Variants in CAMK1G observed in about 807,000 individuals in gnomAD.
CAMK1G encodes calcium/calmodulin dependent protein kinase IG.
CAMK1G carries 27 observed loss-of-function variants against 54.8 expected under a neutral mutation model. The ratio of observed to expected loss-of-function variants is 0.49; its 90% CI spans 0.36 to 0.68. The LOEUF is 0.68. Among genes scored for constraint, CAMK1G ranks in the 30% least tolerant of loss-of-function variants. The pLI, the probability that CAMK1G is intolerant of heterozygous loss-of-function variation, is 0.00. For synonymous variants in CAMK1G, 238 were observed against 224.9 expected, an observed-to-expected ratio of 1.06 and a Z score of -0.52; for missense variants, 512 against 591.0, an observed-to-expected ratio of 0.87 and a Z score of 1.39.
In CAMK1G at chr1:209,612,921, G is replaced by A. The variant is rs746666849; in HGVS notation, c.*37+9G>A. Reference sequence around the variant, plus strand: ...GTCACTGCAATTTTCAGGTTAGGAGGGTCACAGTGTGAGGCTTGGGGAGAG... The same window carrying A: ...GTCACTGCAATTTTCAGGTTAGGAGAGTCACAGTGTGAGGCTTGGGGAGAG... On this transcript the variant is annotated intron_variant, in intron 12 of 12. Transcript: ENST00000361322. 3 of 1,335,704 alleles carry A rather than the reference G, an allele frequency of 2.2e-6. No homozygotes were observed. The highest frequency in any genetic ancestry group is 1.1e-6 in the Non-Finnish European group (1 of 930,870). 82.7% of individuals were successfully genotyped at this position (1,335,704 alleles called of 1,614,324 possible).
chr1:209,611,785 T>C lies in CAMK1G; in HGVS notation c.916-7T>C. 6.2e-7 allele frequency: 1 copy of C among 1,612,488 alleles called. No homozygotes were observed. Among genetic ancestry groups the C allele is most frequent in the Non-Finnish European group, 8.5e-7 (1 of 1,179,232 alleles). On this transcript the variant is annotated splice_region_variant and splice_polypyrimidine_tract_variant and intron_variant, in intron 10 of 12. Coordinates refer to ENST00000361322, the MANE Select transcript of CAMK1G (RefSeq NM_020439.3). Reference sequence around the variant, plus strand: ...GAAGGCCAGAGGCTGCTCTTGTGTCTCCTTAGCAAGCCTTCAACGCAGCAG... The same window carrying C: ...GAAGGCCAGAGGCTGCTCTTGTGTCCCCTTAGCAAGCCTTCAACGCAGCAG...
rs147375164 is a variant in CAMK1G at position 209,586,360 on chromosome 1, G to C, written c.-30+2588G>C. On this transcript the variant is annotated intron_variant, in intron 1 of 12. Transcript: ENST00000361322. Reference sequence around the variant, plus strand: ...CAGAAGTATTATTTCCTCTCTTGTTGCAACAGTTCCCTGTTTTCTTGGTTG... The same window carrying C: ...CAGAAGTATTATTTCCTCTCTTGTTCCAACAGTTCCCTGTTTTCTTGGTTG... Among the ~76,000 whole-genome samples the C allele has an allele frequency of 6.6e-5, 10 of 152,224 alleles. No individual in the cohort carries two copies. The East Asian group carries it at 1.9e-3, about 29-fold the overall frequency.
Position 209,608,966 on chromosome 1 carries a change from C to T in CAMK1G, c.636-14C>T, listed in dbSNP as rs1389941979. 1.2e-6 allele frequency: 2 copies of T among 1,613,818 alleles called. No homozygotes were observed. The highest frequency in any genetic ancestry group is 1.3e-5 in the African/African-American group (1 of 74,890). ...GTTTGTTCAGTAGTATGCCTCCTTC[C>T]TGTCCTGCTGCAGGCTCTGTGGATA... On this transcript the variant is annotated splice_polypyrimidine_tract_variant and intron_variant, in intron 7 of 12. Transcript: ENST00000361322.
chr1:209,594,323 C>T (rs1354470924), intron 1 of CAMK1G, among the ~76,000 whole-genome samples: 2 of 152,200 alleles, frequency 1.3e-5, no homozygotes, highest in Admixed American at 6.5e-5. Context: ...CAGTACCCAT[C>T]GGCACCTTGC....
chr1:209,602,705 G>A (rs1665559333), intron 3 of CAMK1G, among the ~76,000 whole-genome samples: 1 of 152,172 alleles, frequency 6.6e-6, no homozygotes. Context: ...GTACACATGA[G>A]ACATAAATGA....
chr1:209,602,753 A>G (rs1665560493), intron 3 of CAMK1G, among the ~76,000 whole-genome samples: 1 of 152,270 alleles, frequency 6.6e-6, no homozygotes, highest in South Asian at 2.1e-4. Flanking sequence ...TCTAAGGTAT[A>G]TCATTATGTA....
rs17316402 is a variant in CAMK1G at position 209,611,803 on chromosome 1, C to T, written c.927C>T (p.Asn309=). The T allele has an allele frequency of 0.023, 37,093 of 1,613,666 alleles. 477 individuals are homozygous for T. The highest frequency in any genetic ancestry group is 0.026 in the Non-Finnish European group (30,770 of 1,179,824). The stretch of plus-strand genomic sequence containing the variant: ...TTGTGTCTCCTTAGCAAGCCTTCAA[C>T]GCAGCAGCTGTGGTGCACCACATGA... ...FAKSKWRQAF[N]AAAVVHHMRK... Residue 309 remains asparagine, a synonymous_variant, in exon 11 of 13, where the codon AAC becomes AAT. Coordinates refer to ENST00000361322, the MANE Select transcript of CAMK1G (RefSeq NM_020439.3).
At chr1:209,602,717 C>A (rs1031335079) in intron 3 of CAMK1G, among the ~76,000 whole-genome samples, 3 of 152,184 alleles carry the variant, frequency 2.0e-5, no homozygotes, top group African/African-American at 7.2e-5. Flanking sequence ...CATAAATGAA[C>A]TTCATGTTTA....
At chr1:209,607,320 G>A (rs929139468) in intron 6 of CAMK1G, among the ~76,000 whole-genome samples, 1 of 152,180 alleles carries the variant, frequency 6.6e-6, no homozygotes, top group Non-Finnish European at 1.5e-5. Flanking sequence ...CTCTCTATCT[G>A]ATGGGACAGA....
In CAMK1G at chr1:209,588,169, C is replaced by A. The variant is rs562279858; in HGVS notation, c.-30+4397C>A. On this transcript the variant is annotated intron_variant, in intron 1 of 12. Coordinates refer to ENST00000361322, the MANE Select transcript of CAMK1G (RefSeq NM_020439.3). The stretch of plus-strand genomic sequence containing the variant: ...CCAGCAAAAGGAGGGTGGCTCTTCC[C>A]ATGGGTAGAATTGAGAACCATTATC... Among the ~76,000 whole-genome samples, 37 of 152,294 alleles carry A rather than the reference C, an allele frequency of 2.4e-4. No homozygotes were observed. The South Asian group carries it at 7.3e-3, about 30-fold the overall frequency.
chr1:209,596,293 C>G (rs1665379960), intron 2 of CAMK1G, among the ~76,000 whole-genome samples: 2 of 152,100 alleles, frequency 1.3e-5, no homozygotes, highest in African/African-American at 4.8e-5. Flanking sequence ...GGGGTTTTGG[C>G]AGGAGAAAGA....
At chr1:209,607,807 A>G in intron 6 of CAMK1G, 51 bp from the exon 7 acceptor site, 1 of 1,529,794 alleles carries the variant, frequency 6.5e-7, no homozygotes, top group Non-Finnish European at 9.0e-7. Context: ...TCCCACCCCA[A>G]AGCCCTCTCC....
intron 6 of CAMK1G, 107 bp from the exon 7 acceptor site, chr1:209,607,751 A>G: frequency 1.2e-6 from 1 of 835,500 alleles, no homozygotes; most frequent in Non-Finnish European, 1.9e-6. Flanking sequence ...AAACCCCACC[A>G]TCCCACAGTC....
intron 2 of CAMK1G, among the ~76,000 whole-genome samples, chr1:209,597,641 G>A (rs1249228676): frequency 3.9e-5 from 6 of 152,352 alleles, no homozygotes; most frequent in South Asian, 2.1e-4. Context: ...GATGAATAGA[G>A]CAAGCTCGGG....
intron 1 of CAMK1G, among the ~76,000 whole-genome samples, chr1:209,593,752 C>CCTAGACTTCTGTCCCCTACCCGT (rs1297403479): frequency 6.6e-6 from 1 of 151,830 alleles, no homozygotes; most frequent in African/African-American, 2.4e-5. Context: ...TCATCTCTCT[C>CCTAGACTTCTGTCCCCTACCCGT]TTCACATCTC....
intron 1 of CAMK1G, among the ~76,000 whole-genome samples, chr1:209,586,780 TAAG>T (rs1338132930): frequency 6.6e-6 from 1 of 152,060 alleles, no homozygotes; most frequent in Admixed American, 6.5e-5. Context: ...AGCAGCACAC[TAAG>T]AATAAGCAGC....
intron 6 of CAMK1G, among the ~76,000 whole-genome samples, chr1:209,606,658 C>A (rs77283315): frequency 6.6e-6 from 1 of 152,200 alleles, no homozygotes; most frequent in Non-Finnish European, 1.5e-5. Flanking sequence ...ACCGCCTACC[C>A]CTGAGCCCTC....
Position 209,613,208 on chromosome 1 carries a change from G to A in CAMK1G, c.*206G>A, listed in dbSNP as rs1339907287. ...GAGGCCCAGGAGGGAGCCCCAAGGC[G>A]TAGAAGCCTTGTTGAAGCTGTGAGC... On this transcript the variant is annotated 3_prime_UTR_variant, in exon 13 of 13. Transcript: ENST00000361322. 1.1e-5 allele frequency: 3 copies of A among 277,438 alleles called. No individual in the cohort carries two copies. The highest frequency in any genetic ancestry group is 2.1e-5 in the Non-Finnish European group (3 of 139,862). 17.2% of individuals were successfully genotyped at this position (277,438 alleles called of 1,614,324 possible).
chr1:209,587,436 C>G (rs187252995), intron 1 of CAMK1G, among the ~76,000 whole-genome samples: 1 of 152,086 alleles, frequency 6.6e-6, no homozygotes. Flanking sequence ...TCACTATCTA[C>G]GAAATTTGGG....
Sources: gnomAD v4.1 joint callset for allele counts (sites outside exome capture counted in the v4.1 genomes callset) on GRCh38, gnomAD v4.1.1 for gene constraint, MANE v1.5 for transcripts, NCBI Gene and HGNC (gene_info 2026-07-23, HGNC 2026-07-21) for gene names.